The following TSHZ3 variants were observed in gnomAD, a reference collection of about 807,000 sequenced individuals.
The protein encoded by TSHZ3 is teashirt zinc finger homeobox 3.
TSHZ3 carries 10 observed loss-of-function variants against 64.5 expected under a neutral mutation model. The observed-to-expected ratio is 0.16, with a 90% CI of 0.10 to 0.26. The LOEUF is 0.26. Ranked by LOEUF, TSHZ3 falls within the 10% of genes least tolerant of loss-of-function variation. The pLI is 1.00. For synonymous variants in TSHZ3, 608 were observed against 593.1 expected (o/e 1.03, Z -0.36); for missense variants, 1,242 against 1,421.7 (o/e 0.87, Z 2.03).
In TSHZ3 at chr19:31,349,390, C is replaced by T. The variant is rs1356712661; in HGVS notation, c.-171G>A. ...CTGCGCCCAGGCTCTCCGCGTCCCC[C>T]CCGCGCCGCGCTCCGCCGCGAACCC... On this transcript the variant is annotated 5_prime_UTR_variant, in exon 1 of 2. Coordinates refer to ENST00000240587, the MANE Select transcript of TSHZ3 (RefSeq NM_020856.4). 1 of 484,044 alleles carries T rather than the reference C, an allele frequency of 2.1e-6. No homozygotes were observed. Among genetic ancestry groups the T allele is most frequent in the African/African-American group, 2.0e-5 (1 of 48,878 alleles). The allele number at this position is 484,044 out of a possible 1,614,324, so 30.0% of individuals were successfully genotyped here. A position where few individuals can be genotyped will look rare whatever the true frequency, so the allele number is the denominator to read the frequency against.
At chr19:31,263,411 C>T (rs1434364572) in intron 1 of TSHZ3, among the ~76,000 whole-genome samples, 1 of 151,468 alleles carries the variant, frequency 6.6e-6, no homozygotes, top group Non-Finnish European at 1.5e-5. Flanking sequence ...CTCCTCTTGG[C>T]ATTCATAACC....
chr19:31,247,470 C>A (rs1178610892), intron 1 of TSHZ3, among the ~76,000 whole-genome samples: 1 of 151,858 alleles, frequency 6.6e-6, no homozygotes, highest in Non-Finnish European at 1.5e-5. Context: ...ATTTAAAAAA[C>A]CCAAATTGAG....
chr19:31,279,417 G>C lies in TSHZ3; in HGVS notation c.376C>G (p.Leu126Val). 3 of 1,614,228 alleles carry C rather than the reference G, an allele frequency of 1.9e-6. No homozygotes were observed. The highest frequency in any genetic ancestry group is 2.5e-6 in the Non-Finnish European group (3 of 1,180,052). The change falls in exon 2 of 2, where the codon CTC becomes GTC. Residue 126 changes from leucine (L) to valine (V), a missense_variant. Around this residue, in one of 4 missense-constraint regions of TSHZ3, gnomAD observed 555 missense variants for 704.0 expected, o/e 0.79. Transcript: ENST00000240587. This position sits in a 1 kb window ranked among gnomAD's most constrained non-coding sequence, Gnocchi z 6.4. The part of the protein sequence containing the change: ...EQMKAVYNNF[L>V]SNSYWSNLNL... The stretch of plus-strand genomic sequence containing the variant: ...AGGTTGGACCAGTAGGAGTTGGAGA[G>C]GAAGTTGTTGTACACGGCCTTCATC...
chr19:31,311,153 A>G (rs1916446234), intron 1 of TSHZ3, among the ~76,000 whole-genome samples: 1 of 152,140 alleles, frequency 6.6e-6, no homozygotes, highest in African/African-American at 2.4e-5. Flanking sequence ...AGTCAGACAG[A>G]CTCTGGGCTA....
chr19:31,282,500 T>C (rs931420935), intron 1 of TSHZ3, among the ~76,000 whole-genome samples: 3 of 152,146 alleles, frequency 2.0e-5, no homozygotes, highest in African/African-American at 4.8e-5. Flanking sequence ...CCAGGGGCTC[T>C]GCCAGCCCAC....
intron 1 of TSHZ3, among the ~76,000 whole-genome samples, chr19:31,294,910 C>A (rs1309289446): frequency 6.6e-6 from 1 of 152,184 alleles, no homozygotes; most frequent in African/African-American, 2.4e-5. Context: ...TCATGCCTTG[C>A]TTGCCTTCTT....
At chr19:31,336,272 T>C (rs1917239136) in intron 1 of TSHZ3, among the ~76,000 whole-genome samples, 3 of 152,202 alleles carry the variant, frequency 2.0e-5, no homozygotes, top group Non-Finnish European at 4.4e-5. Flanking sequence ...ACGAACTTCC[T>C]GAACTATGAC....
At chr19:31,252,581 C>A (rs1331457128) in intron 1 of TSHZ3, among the ~76,000 whole-genome samples, 2 of 152,190 alleles carry the variant, frequency 1.3e-5, no homozygotes, top group Non-Finnish European at 2.9e-5. Context: ...CTCAGAAGAT[C>A]TGATGGTTTT....
chr19:31,205,688 C>A lies in TSHZ3; in HGVS notation n.687-610G>T, dbSNP rs563916239. Reference sequence around the variant, plus strand: ...CAAAGAGAGGAATGACTGCCCGACCCTCCATCTGGGGCAGACTCAGCCCAA... The same window carrying A: ...CAAAGAGAGGAATGACTGCCCGACCATCCATCTGGGGCAGACTCAGCCCAA... On this transcript the variant is annotated intron_variant and non_coding_transcript_variant, in intron 4 of 6. Transcript: ENST00000651361. 3.3e-5 allele frequency among the ~76,000 whole-genome samples: 5 copies of A among 152,344 alleles called. No homozygotes were observed. In the East Asian group the frequency reaches 9.7e-4, roughly 29 times the overall value.
At chr19:31,326,248 A>G (rs987642718) in intron 1 of TSHZ3, among the ~76,000 whole-genome samples, 1 of 152,252 alleles carries the variant, frequency 6.6e-6, no homozygotes, top group African/African-American at 2.4e-5. Context: ...AGACTATACT[A>G]CAAACTGGTA....
intron 1 of TSHZ3, among the ~76,000 whole-genome samples, chr19:31,324,885 A>G (rs1916886720): frequency 6.6e-6 from 1 of 152,184 alleles, no homozygotes; most frequent in African/African-American, 2.4e-5. Flanking sequence ...TCATATGAGC[A>G]TATTTTTCTC....
At chr19:31,169,541 G>C (rs527953118) in intron 5 of TSHZ3, among the ~76,000 whole-genome samples, 1 of 152,282 alleles carries the variant, frequency 6.6e-6, no homozygotes, top group Middle Eastern at 3.4e-3. Context: ...GAGATGGATG[G>C]CAGTAATGAT....
intron 1 of TSHZ3, among the ~76,000 whole-genome samples, chr19:31,347,315 C>T (rs2021547588): frequency 1.3e-5 from 2 of 151,986 alleles, no homozygotes; most frequent in African/African-American, 4.8e-5. Context: ...AGGAAGCTAT[C>T]AAATACGAGT....
chr19:31,193,472 C>A (rs1467152693), intron 5 of TSHZ3, among the ~76,000 whole-genome samples: 3 of 152,142 alleles, frequency 2.0e-5, no homozygotes, highest in African/African-American at 4.8e-5. Flanking sequence ...GTAGCACTTA[C>A]CAAATGCCAG....
At chr19:31,163,568 TA>T (rs1276345056) in intron 5 of TSHZ3, among the ~76,000 whole-genome samples, 4 of 152,036 alleles carry the variant, frequency 2.6e-5, no homozygotes, top group Non-Finnish European at 5.9e-5. Context: ...CCACCTCTAC[TA>T]AAAACACAAA....
intron 1 of TSHZ3, among the ~76,000 whole-genome samples, chr19:31,312,851 AG>A (rs1261393650): frequency 1.3e-5 from 2 of 152,198 alleles, no homozygotes; most frequent in African/African-American, 4.8e-5. Flanking sequence ...AAGAGAGATA[AG>A]GCATTAGACT....
intron 1 of TSHZ3, among the ~76,000 whole-genome samples, chr19:31,284,450 C>T (rs1976419769): frequency 6.6e-6 from 1 of 152,120 alleles, no homozygotes; most frequent in Admixed American, 6.5e-5. Flanking sequence ...AGTAACTTCC[C>T]ACTGGGCTCG....
intron 1 of TSHZ3, among the ~76,000 whole-genome samples, chr19:31,341,652 C>T (rs900155694): frequency 6.6e-6 from 1 of 151,644 alleles, no homozygotes; most frequent in African/African-American, 2.4e-5. Flanking sequence ...CACACACACA[C>T]ACACACACAC....
chr19:31,339,328 G>A (rs972380505), intron 1 of TSHZ3, among the ~76,000 whole-genome samples: 42 of 151,972 alleles, frequency 2.8e-4, no homozygotes, highest in African/African-American at 1.0e-3. Flanking sequence ...TAATATGAAT[G>A]AGCATAACCT....
Sources: gnomAD v4.1 joint callset for allele counts (sites outside exome capture counted in the v4.1 genomes callset) on GRCh38, gnomAD v4.1.1 for gene constraint, gnomAD v4.1.1 regional missense constraint, Gnocchi (gnomAD v3.1) non-coding constraint, MANE v1.5 for transcripts, NCBI Gene and HGNC (gene_info 2026-07-23, HGNC 2026-07-21) for gene names.